The following PTPRD variants were observed in gnomAD, a reference collection of about 807,000 sequenced individuals.
PTPRD encodes receptor-type tyrosine-protein phosphatase delta.
PTPRD carries 34 observed loss-of-function variants against 214.5 expected under a neutral mutation model. That is an observed-to-expected ratio of 0.16 (90% CI 0.12 to 0.21). PTPRD has a LOEUF of 0.21. Among genes scored for constraint, PTPRD ranks in the 10% least tolerant of loss-of-function variants. PTPRD has a pLI of 1.00. For synonymous variants in PTPRD, 1,128 were observed against 845.7 expected, an observed-to-expected ratio of 1.33 and a Z score of -5.79; for missense variants, 2,545 against 2,398.7, an observed-to-expected ratio of 1.06 and a Z score of -1.27.
chr9:10,031,866 C>T (rs777746354), intron 4 of PTPRD, among the ~76,000 whole-genome samples: 1 of 151,206 alleles, frequency 6.6e-6, no homozygotes, highest in African/African-American at 2.4e-5. Flanking sequence ...GTGAATTGGC[C>T]CCTGGATAAC....
At chr9:8,684,202 C>T (rs1395459675) in intron 12 of PTPRD, among the ~76,000 whole-genome samples, 1 of 152,188 alleles carries the variant, frequency 6.6e-6, no homozygotes, top group East Asian at 1.9e-4. Context: ...TATACACATA[C>T]AGAAGCTGAA....
chr9:9,149,715 A>G (rs879608391), intron 10 of PTPRD, among the ~76,000 whole-genome samples: 3 of 152,206 alleles, frequency 2.0e-5, no homozygotes, highest in Admixed American at 1.3e-4. Context: ...AAATGAAAAC[A>G]TAGTCAATAA....
intron 5 of PTPRD, among the ~76,000 whole-genome samples, chr9:9,840,957 G>T (rs2058186213): frequency 6.6e-6 from 1 of 152,000 alleles, no homozygotes; most frequent in South Asian, 2.1e-4. Context: ...ACAATAAACT[G>T]TGAGTGATGG....
At chr9:10,018,538 C>CTTTTTTT (rs71321214) in intron 4 of PTPRD, among the ~76,000 whole-genome samples, 728 of 71,060 alleles carry the variant, frequency 0.01, 220 homozygotes, top group Middle Eastern at 0.022. Flanking sequence ...AATTACATTT[C>CTTTTTTT]TTTTTTTTTT....
intron 11 of PTPRD, among the ~76,000 whole-genome samples, chr9:8,835,985 C>G (rs1476597095): frequency 6.6e-6 from 1 of 152,104 alleles, no homozygotes; most frequent in Non-Finnish European, 1.5e-5. Context: ...TGCCTGGATC[C>G]ACGTCTGTAA....
At chr9:9,847,041 T>G (rs1489600516) in intron 5 of PTPRD, among the ~76,000 whole-genome samples, 1 of 152,142 alleles carries the variant, frequency 6.6e-6, no homozygotes, top group African/African-American at 2.4e-5. Flanking sequence ...TAATTAGGTT[T>G]TTCTTCTGAA....
intron 39 of PTPRD, among the ~76,000 whole-genome samples, chr9:8,351,433 T>G (rs1410347468): frequency 6.6e-6 from 1 of 151,506 alleles, no homozygotes; most frequent in Non-Finnish European, 1.5e-5. Context: ...GATAACATAA[T>G]AATCTAATAA....
At chr9:9,581,037 G>C (rs1055118029) in intron 7 of PTPRD, among the ~76,000 whole-genome samples, 4 of 152,024 alleles carry the variant, frequency 2.6e-5, no homozygotes, top group Non-Finnish European at 4.4e-5. Flanking sequence ...GAAATAGGGG[G>C]CTTGCATTTT....
At chr9:10,258,202 T>G (rs1396316541) in intron 3 of PTPRD, among the ~76,000 whole-genome samples, 1 of 152,206 alleles carries the variant, frequency 6.6e-6, no homozygotes, top group Non-Finnish European at 1.5e-5. Context: ...ACAGAAAGAC[T>G]GGGTAGAATT....
chr9:9,679,548 T>C (rs563312796), intron 7 of PTPRD, among the ~76,000 whole-genome samples: 60 of 152,006 alleles, frequency 3.9e-4, no homozygotes, highest in African/African-American at 1.4e-3. Flanking sequence ...GTTTAAATAA[T>C]AATTTACCGA....
chr9:10,347,071 C>A (rs1480758072), intron 2 of PTPRD, among the ~76,000 whole-genome samples: 1 of 151,464 alleles, frequency 6.6e-6, no homozygotes, highest in Non-Finnish European at 1.5e-5. Context: ...CTATAAGGCA[C>A]ACCTCCCCTC....
intron 2 of PTPRD, among the ~76,000 whole-genome samples, chr9:10,427,058 T>A (rs560459748): frequency 5.9e-5 from 9 of 152,198 alleles, no homozygotes; most frequent in Admixed American, 2.6e-4. Context: ...TGGGGGGTAT[T>A]GTTTTTCTTT....
At chr9:8,735,237 A>G (rs28539901) in intron 11 of PTPRD, among the ~76,000 whole-genome samples, 26,386 of 146,504 alleles carry the variant, frequency 0.18, 2,438 homozygotes, top group Admixed American at 0.21. Flanking sequence ...GCTGCTTCCC[A>G]GGTTCAAGTG....
chr9:8,343,585 C>G (rs1270268101), intron 39 of PTPRD, among the ~76,000 whole-genome samples: 1 of 152,000 alleles, frequency 6.6e-6, no homozygotes, highest in Admixed American at 6.6e-5. Flanking sequence ...CTGACATTCC[C>G]CATTCCTACC....
intron 14 of PTPRD, among the ~76,000 whole-genome samples, chr9:8,621,008 C>G (rs567056401): frequency 6.6e-6 from 1 of 151,946 alleles, no homozygotes; most frequent in African/African-American, 2.4e-5. Context: ...TTTATGAAAA[C>G]AAATGCAAAA....
intron 33 of PTPRD, among the ~76,000 whole-genome samples, chr9:8,450,922 G>T (rs1174699846): frequency 6.6e-6 from 1 of 152,148 alleles, no homozygotes; most frequent in African/African-American, 2.4e-5. Context: ...TCAAAGCAAA[G>T]GCGTTTTTAC....
chr9:8,654,208 G>A (rs1370512784), intron 12 of PTPRD, among the ~76,000 whole-genome samples: 2 of 152,148 alleles, frequency 1.3e-5, no homozygotes, highest in Non-Finnish European at 2.9e-5. Flanking sequence ...CCACAGGATG[G>A]TTGGTCACCC....
At chr9:9,565,134 A>G (rs1230273120) in intron 8 of PTPRD, among the ~76,000 whole-genome samples, 4 of 151,692 alleles carry the variant, frequency 2.6e-5, no homozygotes, top group African/African-American at 9.7e-5. Context: ...AATATGTGTA[A>G]AAGGTTTTGT....
intron 11 of PTPRD, among the ~76,000 whole-genome samples, chr9:8,982,684 C>A (rs2099319237): frequency 1.3e-5 from 2 of 151,946 alleles, no homozygotes; most frequent in Non-Finnish European, 2.9e-5. Flanking sequence ...TCTCACCTAT[C>A]TAGTTCATTC....
Sources: gnomAD v4.1 joint callset for allele counts (sites outside exome capture counted in the v4.1 genomes callset) on GRCh38, gnomAD v4.1.1 for gene constraint, MANE v1.5 for transcripts, NCBI Gene and HGNC (gene_info 2026-07-23, HGNC 2026-07-21) for gene names.